Variants in SUSD4 observed in about 807,000 individuals in gnomAD.
SUSD4 encodes sushi domain-containing protein 4.
A neutral mutation model predicts 50.5 loss-of-function variants in SUSD4; 41 were observed. The observed-to-expected ratio is 0.81, with a 90% CI of 0.63 to 1.05. The LOEUF is 1.05. Among genes scored for constraint, SUSD4 ranks in the 50% least tolerant of loss-of-function variants. The pLI is 0.00. For synonymous variants in SUSD4, 257 were observed against 257.3 expected (o/e 1.00, Z 0.01); for missense variants, 580 against 634.7 (o/e 0.91, Z 0.93).
intron 2 of SUSD4, among the ~76,000 whole-genome samples, chr1:223,293,092 A>T (rs774516877): frequency 2.0e-4 from 30 of 152,150 alleles, no homozygotes; most frequent in Non-Finnish European, 3.7e-4. Context: ...CTAACGGTAG[A>T]AATGGCATGA....
chr1:223,258,417 T>C (rs1283980498), intron 5 of SUSD4, among the ~76,000 whole-genome samples: 1 of 152,112 alleles, frequency 6.6e-6, no homozygotes, highest in Non-Finnish European at 1.5e-5. Context: ...TGGGCACTTG[T>C]AGGTTCTTAG....
At chr1:223,313,598 G>A (rs1209605269) in intron 2 of SUSD4, among the ~76,000 whole-genome samples, 1 of 152,226 alleles carries the variant, frequency 6.6e-6, no homozygotes, top group South Asian at 2.1e-4. Context: ...TAGGGGCTGA[G>A]TAAATAAGGC....
At chr1:223,338,325 C>G (rs1667567579) in intron 2 of SUSD4, among the ~76,000 whole-genome samples, 1 of 152,122 alleles carries the variant, frequency 6.6e-6, no homozygotes, top group African/African-American at 2.4e-5. Context: ...ATCAGATCCC[C>G]CAGGGCTGCA....
chr1:223,271,521 G>A (rs562556372), intron 3 of SUSD4, among the ~76,000 whole-genome samples: 1 of 152,142 alleles, frequency 6.6e-6, no homozygotes, highest in African/African-American at 2.4e-5. Flanking sequence ...TTTACTATGT[G>A]GGAGGAGCCA....
rs1011945221 is a variant in SUSD4, at chr1:223,222,072, G to C, written c.*120C>G. ...GCCTGAGATGCATAATGTGAACTGT[G>C]GTCCCCATGTAGACAAGTTAGACAT... On this transcript the variant is annotated 3_prime_UTR_variant, in exon 9 of 9. Coordinates refer to ENST00000366878, the MANE Select transcript of SUSD4 (RefSeq NM_017982.4). 1.1e-6 allele frequency: 1 copy of C among 919,436 alleles called. No individual in the cohort carries two copies. Among genetic ancestry groups the C allele is most frequent in the Admixed American group, 2.4e-5 (1 of 42,012 alleles). The allele number at this position is 919,436 out of a possible 1,614,324, so 57.0% of individuals were successfully genotyped here.
Position 223,364,161 on chromosome 1 carries a change from G to A in SUSD4, c.-140C>T, listed in dbSNP as rs1669178787. 6.6e-6 allele frequency: 1 copy of A among 152,024 alleles called. No homozygotes were observed. The highest frequency in any genetic ancestry group is 2.4e-5 in the African/African-American group (1 of 41,318). 9.4% of individuals were successfully genotyped at this position (152,024 alleles called of 1,614,324 possible). On this transcript the variant is annotated 5_prime_UTR_variant, in exon 1 of 9. Transcript: ENST00000366878. The surrounding 1 kb of genome is among the most constrained non-coding windows in gnomAD (Gnocchi z 4.5). The stretch of plus-strand genomic sequence containing the variant: ...TCTGCTGCCGCCGCTGCGCGAGCGA[G>A]CGAGACGGAAGCTTCGGCGGCGGCG...
At chr1:223,243,751 C>G (rs1398629835) in intron 5 of SUSD4, among the ~76,000 whole-genome samples, 2 of 152,206 alleles carry the variant, frequency 1.3e-5, no homozygotes, top group Non-Finnish European at 2.9e-5. Context: ...CACAATGAAG[C>G]TAGAAAGCAA....
At chr1:223,266,208 A>G (rs1355895797) in intron 4 of SUSD4, among the ~76,000 whole-genome samples, 2 of 152,062 alleles carry the variant, frequency 1.3e-5, no homozygotes, top group African/African-American at 4.8e-5. Context: ...CATACCCTAA[A>G]AGGTATGGAG....
chr1:223,265,021 A>G (rs568150324), intron 4 of SUSD4, among the ~76,000 whole-genome samples: 42 of 152,350 alleles, frequency 2.8e-4, no homozygotes, highest in African/African-American at 8.2e-4. Flanking sequence ...CCGCTATTTG[A>G]AAATGGCACC....
chr1:223,307,011 T>C (rs1665576536), intron 2 of SUSD4, among the ~76,000 whole-genome samples: 1 of 152,056 alleles, frequency 6.6e-6, no homozygotes, highest in East Asian at 1.9e-4. Context: ...TATAGTCTTT[T>C]CTTTTACAAA....
intron 2 of SUSD4, among the ~76,000 whole-genome samples, chr1:223,353,718 A>T (rs1668494892): frequency 6.6e-6 from 1 of 152,144 alleles, no homozygotes. Flanking sequence ...CATTTTTTAA[A>T]ATCCCGGTGC....
chr1:223,258,212 C>T (rs369505779), intron 5 of SUSD4, among the ~76,000 whole-genome samples: 2 of 152,124 alleles, frequency 1.3e-5, no homozygotes, highest in East Asian at 1.9e-4. Flanking sequence ...TGTACCTGAA[C>T]GTGTTTTGAC....
rs1659629359 is a variant in SUSD4, at chr1:223,227,915, G to C, written c.917-177C>G. 6.6e-6 allele frequency among the ~76,000 whole-genome samples: 1 copy of C among 152,208 alleles called. No homozygotes were observed. The highest frequency in any genetic ancestry group is 2.1e-4 in the South Asian group (1 of 4,836). ...CCTGTAGCTCATGTAAATTGCATCA[G>C]GATCCACCCAACACTAAAAACCTGT... On this transcript the variant is annotated intron_variant, in intron 6 of 8. Transcript: ENST00000366878. The surrounding 1 kb of genome is among the most constrained non-coding windows in gnomAD (Gnocchi z 4.5).
chr1:223,279,074 G>A (rs369828377), intron 3 of SUSD4, among the ~76,000 whole-genome samples: 2 of 152,132 alleles, frequency 1.3e-5, no homozygotes, highest in Non-Finnish European at 2.9e-5. Context: ...CCATCTGTAC[G>A]TCACCATCAT....
intron 2 of SUSD4, among the ~76,000 whole-genome samples, chr1:223,356,645 G>C (rs562963379): frequency 2.6e-5 from 4 of 152,150 alleles, no homozygotes; most frequent in Non-Finnish European, 5.9e-5. Context: ...CGGTTGAGAA[G>C]ATAAGTTCAA....
Position 223,363,340 on chromosome 1 carries a change from A to T in SUSD4, c.86T>A (p.Leu29His). The change falls in exon 2 of 9, where the codon CTC (leucine) becomes CAC (histidine). Residue 29 changes from leucine to histidine, a missense_variant. By Grantham distance (99) the Leu-to-His change is moderately conservative. Coordinates refer to ENST00000366878, the MANE Select transcript of SUSD4 (RefSeq NM_017982.4). ...CTGAAACCACAGGATCACGGCCAAG[A>T]GTCTCTGGGGGGACTGAGGTTGCTG... ...QQQQPQSPQR[L>H]LAVILWFQLA... 6.2e-7 allele frequency: 1 copy of T among 1,610,262 alleles called. No individual in the cohort carries two copies.
At chr1:223,274,614 A>G (rs1161522711) in intron 3 of SUSD4, among the ~76,000 whole-genome samples, 1 of 152,244 alleles carries the variant, frequency 6.6e-6, no homozygotes, top group East Asian at 1.9e-4. Flanking sequence ...TGTCTGGTGC[A>G]TAGATTGGAA....
intron 4 of SUSD4, among the ~76,000 whole-genome samples, chr1:223,265,127 G>A (rs964863312): frequency 7.2e-5 from 11 of 152,176 alleles, no homozygotes; most frequent in African/African-American, 1.7e-4. Flanking sequence ...CTCTGACTGC[G>A]TTTCAGCATC....
chr1:223,293,783 G>A (rs893960599), intron 2 of SUSD4, among the ~76,000 whole-genome samples: 1 of 152,142 alleles, frequency 6.6e-6, no homozygotes, highest in Non-Finnish European at 1.5e-5. Context: ...CCACAGCTAG[G>A]GCCAAGGATA....
Sources: gnomAD v4.1 joint callset for allele counts (sites outside exome capture counted in the v4.1 genomes callset) on GRCh38, gnomAD v4.1.1 for gene constraint, Gnocchi (gnomAD v3.1) non-coding constraint, MANE v1.5 for transcripts, NCBI Gene and HGNC (gene_info 2026-07-23, HGNC 2026-07-21) for gene names.